LAMA2: variants seen among roughly 807,000 people sequenced by gnomAD.
LAMA2 encodes laminin subunit alpha-2.
A neutral mutation model predicts 364.8 loss-of-function variants in LAMA2; 269 were observed. The observed-to-expected ratio is 0.74, with a 90% confidence interval of 0.67 to 0.82. LAMA2 has a LOEUF of 0.82. Among genes scored for constraint, LAMA2 ranks in the 40% least tolerant of loss-of-function variants. LAMA2 has a pLI of 0.00. For missense variants in LAMA2, 3,807 were observed against 3,873.2 expected (o/e 0.98, Z 0.45); for synonymous variants, 1,379 against 1,370.6 (o/e 1.01, Z -0.14).
intron 49 of LAMA2, among the ~76,000 whole-genome samples, chr6:129,463,779 A>G (rs1417975880): frequency 2.0e-5 from 3 of 152,034 alleles, no homozygotes; most frequent in African/African-American, 7.2e-5. Flanking sequence ...GACCTAGCCC[A>G]TAATCTCTTA....
intron 1 of LAMA2, among the ~76,000 whole-genome samples, chr6:128,922,178 G>A (rs1369680029): frequency 3.3e-5 from 5 of 151,876 alleles, no homozygotes; most frequent in Non-Finnish European, 5.9e-5. Flanking sequence ...ACCTGTGTAT[G>A]TGTCTTTATA....
rs796955186 is a variant in LAMA2 at position 129,389,339 on chromosome 6, A to G, written c.5072-2152A>G. On this transcript the variant is annotated intron_variant, in intron 35 of 64. Transcript: ENST00000421865. ...ATTTTGTGCCTTATAACTGAAATGC[A>G]TTTCTCATTTGTGAAGGCTGAGAGG... Among the ~76,000 whole-genome samples the G allele has an allele frequency of 1.4e-4, 21 of 152,276 alleles. No individual in the cohort carries two copies. In the South Asian group the frequency reaches 4.1e-3, roughly 30 times the overall value.
chr6:129,374,072 T>C (rs1778235922), intron 34 of LAMA2, among the ~76,000 whole-genome samples: 2 of 152,222 alleles, frequency 1.3e-5, no homozygotes, highest in South Asian at 2.1e-4. Flanking sequence ...TACTCATTAA[T>C]TACTTTTTTC....
intron 58 of LAMA2, among the ~76,000 whole-genome samples, chr6:129,497,944 C>T (rs1350772599): frequency 6.6e-6 from 1 of 152,040 alleles, no homozygotes; most frequent in East Asian, 1.9e-4. Context: ...AACATTTCTA[C>T]ATGTTCTATT....
chr6:129,440,750 A>C, intron 42 of LAMA2, 66 bp from the exon 43 acceptor site: 2 of 1,393,414 alleles, frequency 1.4e-6, no homozygotes, highest in South Asian at 2.3e-5. Flanking sequence ...TCGCTTTGTC[A>C]AGCATGGATT....
At chr6:129,093,787 T>G (rs1445089899) in intron 3 of LAMA2, among the ~76,000 whole-genome samples, 1 of 152,246 alleles carries the variant, frequency 6.6e-6, no homozygotes. Context: ...ACACTTGATA[T>G]TGTTTTTAAA....
In LAMA2 at chr6:129,498,914, G is replaced by GAAGTT. The variant is rs776659135; in HGVS notation, c.8245-3742_8245-3738dup. Among the ~76,000 whole-genome samples the GAAGTT allele has an allele frequency of 3.3e-5, 5 of 152,190 alleles. No homozygotes were observed. The East Asian group carries it at 9.6e-4, about 29-fold the overall frequency. On this transcript the variant is annotated intron_variant, in intron 58 of 64. Coordinates refer to ENST00000421865, the MANE Select transcript of LAMA2 (RefSeq NM_000426.4). ...AAAGACCATTGCTTTATTCTGACCTGAAGTTAAATGAGTGACAGTGTGGGG... is the reference window on the plus strand; with the variant it reads ...AAAGACCATTGCTTTATTCTGACCTGAAGTTAAGTTAAATGAGTGACAGTGTGGGG...
chr6:129,450,170 T>TAA (rs1554299172), intron 45 of LAMA2, among the ~76,000 whole-genome samples: 83 of 152,070 alleles, frequency 5.5e-4, no homozygotes, highest in African/African-American at 1.8e-3. Flanking sequence ...TTTTTTTTTT[T>TAA]ACCAGGCTTA....
intron 12 of LAMA2, among the ~76,000 whole-genome samples, chr6:129,236,893 A>G (rs1165956746): frequency 1.3e-5 from 2 of 152,206 alleles, no homozygotes; most frequent in East Asian, 3.8e-4. Context: ...GTGTAAGTAT[A>G]TGTAATATAT....
chr6:129,068,083 A>C (rs1200768647), intron 3 of LAMA2, among the ~76,000 whole-genome samples: 1 of 152,204 alleles, frequency 6.6e-6, no homozygotes, highest in Admixed American at 6.5e-5. Context: ...CTTTCTAAGC[A>C]CTTAGAATAG....
intron 1 of LAMA2, among the ~76,000 whole-genome samples, chr6:128,910,592 G>T (rs1416222998): frequency 6.6e-6 from 1 of 152,064 alleles, no homozygotes; most frequent in South Asian, 2.1e-4. Context: ...ATGTCCTCCC[G>T]TAGCTCAGAG....
At chr6:128,986,035 T>A (rs1376890940) in intron 1 of LAMA2, among the ~76,000 whole-genome samples, 1 of 152,054 alleles carries the variant, frequency 6.6e-6, no homozygotes, top group Non-Finnish European at 1.5e-5. Flanking sequence ...TTAGAAAAAA[T>A]GAGTTGGTTT....
intron 12 of LAMA2, among the ~76,000 whole-genome samples, chr6:129,193,126 C>T (rs188404880): frequency 2.6e-5 from 4 of 152,210 alleles, no homozygotes; most frequent in Non-Finnish European, 5.9e-5. Flanking sequence ...AGTGTATTTT[C>T]GTAAAGCAAA....
rs1774472104 is a variant in LAMA2 at position 129,314,768 on chromosome 6, C to T, written c.3525C>T (p.Cys1175=). 7 of 1,614,022 alleles carry T rather than the reference C, an allele frequency of 4.3e-6. No individual in the cohort carries two copies. The highest frequency in any genetic ancestry group is 5.1e-6 in the Non-Finnish European group (6 of 1,180,016). ...SCYCFGTTTQ[C]SEAKGLIRTW... ...ATTGCTTCGGCACTACTACCCAGTG[C>T]TCTGAAGCAAAAGGACTGATCCGGA... Residue 1175 remains cysteine (C), a synonymous_variant, in exon 24 of 65, where the codon TGC becomes TGT. Coordinates refer to ENST00000421865, the MANE Select transcript of LAMA2 (RefSeq NM_000426.4).
intron 4 of LAMA2, among the ~76,000 whole-genome samples, chr6:129,112,990 G>T (rs77819984): frequency 0.027 from 4,138 of 152,118 alleles, 209 homozygotes; most frequent in African/African-American, 0.093. Context: ...CTGCCTTGCA[G>T]AAACATGTCA....
At chr6:129,219,481 G>A (rs1166156621) in intron 12 of LAMA2, among the ~76,000 whole-genome samples, 16 of 151,536 alleles carry the variant, frequency 1.1e-4, no homozygotes, top group South Asian at 4.2e-4. Context: ...TACTGGGTAT[G>A]TACCCAAAGG....
chr6:129,417,040 C>G (rs897988698), intron 40 of LAMA2, among the ~76,000 whole-genome samples: 2 of 152,106 alleles, frequency 1.3e-5, no homozygotes, highest in African/African-American at 4.8e-5. Context: ...CTCAGGGAGT[C>G]CATAGGTCTC....
intron 6 of LAMA2, among the ~76,000 whole-genome samples, chr6:129,147,484 G>T (rs1345260703): frequency 6.6e-6 from 1 of 151,864 alleles, no homozygotes; most frequent in Admixed American, 6.6e-5. Context: ...ATAAAATAGG[G>T]CAGGGGCAAT....
At chr6:129,309,902 A>ATTTTTTTTTTTTTTTTTTTTTTTT (rs993652081) in intron 22 of LAMA2, among the ~76,000 whole-genome samples, 5 of 135,788 alleles carry the variant, frequency 3.7e-5, no homozygotes, top group African/African-American at 1.4e-4. Context: ...CCTGATAATC[A>ATTTTTTTTTTTTTTTTTTTTTTTT]TTTTTTTTTT....
Sources: allele counts gnomAD v4.1 joint callset (sites outside exome capture counted in the v4.1 genomes callset), GRCh38; gene constraint gnomAD v4.1.1; transcripts MANE v1.5; gene names NCBI Gene and HGNC (gene_info 2026-07-23, HGNC 2026-07-21).